ZFAT: variants seen among roughly 807,000 people sequenced by gnomAD.
ZFAT encodes zinc finger protein ZFAT.
A neutral mutation model predicts 117.7 loss-of-function variants in ZFAT; 64 were observed. The ratio of observed to expected loss-of-function variants is 0.54; its 90% CI spans 0.44 to 0.67. The LOEUF (loss-of-function observed/expected upper bound fraction) is 0.67. Among genes scored for constraint, ZFAT ranks in the 30% least tolerant of loss-of-function variants. ZFAT has a pLI of 0.00. For missense variants in ZFAT, 1,433 were observed against 1,584.5 expected (o/e 0.90, Z 1.62); for synonymous variants, 679 against 615.0 (o/e 1.10, Z -1.54).
chr8:134,486,520 A>G (rs1817667117), intron 15 of ZFAT, among the ~76,000 whole-genome samples: 1 of 152,192 alleles, frequency 6.6e-6, no homozygotes, highest in Admixed American at 6.5e-5. Context: ...CGTAGATGTC[A>G]TTAATGTCCT....
chr8:134,651,317 G>A (rs1586892361), intron 2 of ZFAT, among the ~76,000 whole-genome samples: 1 of 152,192 alleles, frequency 6.6e-6, no homozygotes, highest in South Asian at 2.1e-4. Context: ...ACAATATGTA[G>A]CATATGCATA....
the ZFAT span, among the ~76,000 whole-genome samples, chr8:134,734,773 G>C: frequency 1.9e-3 from 284 of 152,332 alleles, 2 homozygotes; most frequent in African/African-American, 6.3e-3. Context: ...AGCAGGGAGT[G>C]CTGGCCCACA....
At chr8:134,673,125 G>A (rs1832638366) in intron 1 of ZFAT, 1 of 152,034 alleles carries the variant, frequency 6.6e-6, no homozygotes, top group African/African-American at 2.4e-5. Context: ...TCTGCTCTGA[G>A]ATGTTGATAA....
At chr8:134,832,336 CTG>C in the ZFAT span, among the ~76,000 whole-genome samples, 3 of 151,276 alleles carry the variant, frequency 2.0e-5, no homozygotes, top group Non-Finnish European at 3.0e-5. Flanking sequence ...GTACATGTCT[CTG>C]TGTGTGTGTG....
chr8:134,626,258 C>T (rs369455518), intron 3 of ZFAT, among the ~76,000 whole-genome samples: 3 of 152,130 alleles, frequency 2.0e-5, no homozygotes, highest in African/African-American at 7.2e-5. Context: ...AGCAGGGGAG[C>T]GTGGAGAATC....
At chr8:134,597,343 C>A (rs1253407027) in intron 7 of ZFAT, among the ~76,000 whole-genome samples, 2 of 152,152 alleles carry the variant, frequency 1.3e-5, no homozygotes, top group Non-Finnish European at 2.9e-5. Flanking sequence ...ATATGGTCCA[C>A]CTGCTTCATG....
rs531276305 is a variant in ZFAT at position 134,493,683 on chromosome 8, G to A, written c.3493-14962C>T. ...GGCACAGGGCAGGTGCGTGAGGCAC[G>A]GCACTCATGACTGCTTCTGGATGCC... On this transcript the variant is annotated intron_variant, in intron 15 of 15. Coordinates refer to ENST00000377838, the MANE Select transcript of ZFAT (RefSeq NM_020863.4). Among the ~76,000 whole-genome samples, 12 of 152,322 alleles carry A rather than the reference G, an allele frequency of 7.9e-5. No homozygotes were observed. In the East Asian group the frequency reaches 2.1e-3, roughly 27 times the overall value.
At chr8:134,723,089 T>G in the ZFAT span, 1 of 152,236 alleles carries the variant, frequency 6.6e-6, no homozygotes, top group African/African-American at 2.4e-5. Flanking sequence ...AAATTCCTGT[T>G]GCTTAAGCCA....
chr8:134,708,717 C>A (rs1245589471), intron 1 of ZFAT, among the ~76,000 whole-genome samples: 7 of 152,162 alleles, frequency 4.6e-5, no homozygotes, highest in African/African-American at 1.7e-4. Context: ...CTTTGGGAGG[C>A]TGAGGCAGGC....
chr8:134,742,025 T>C, the ZFAT span, among the ~76,000 whole-genome samples: 1 of 152,180 alleles, frequency 6.6e-6, no homozygotes, highest in Admixed American at 6.5e-5. Flanking sequence ...TCTAGGACCA[T>C]GGGAACAGCC....
chr8:134,720,612 C>T, the ZFAT span, among the ~76,000 whole-genome samples: 1 of 152,212 alleles, frequency 6.6e-6, no homozygotes, highest in Non-Finnish European at 1.5e-5. Flanking sequence ...CAGAAGCAAA[C>T]GGTGCCAAGG....
chr8:134,583,549 T>C (rs1187360861), intron 10 of ZFAT, among the ~76,000 whole-genome samples: 11 of 152,138 alleles, frequency 7.2e-5, no homozygotes, highest in Non-Finnish European at 1.6e-4. Context: ...GGATCAAGGC[T>C]TTCTGAAGAC....
rs1329417198 is a variant in ZFAT at position 134,708,719 on chromosome 8, GAGGC to G, written c.19+4122_19+4125del. Among the ~76,000 whole-genome samples, 6 of 152,272 alleles carry G rather than the reference GAGGC, an allele frequency of 3.9e-5. No individual in the cohort carries two copies. In the South Asian group the frequency reaches 1.0e-3, roughly 26 times the overall value. ...TGTAATACTGGCACTTTGGGAGGCT[GAGGC>G]AGGCGGATCACCTGAGGTCAGGAGT... On this transcript the variant is annotated intron_variant, in intron 1 of 15. Coordinates refer to ENST00000377838, the MANE Select transcript of ZFAT (RefSeq NM_020863.4).
chr8:134,737,748 T>C, the ZFAT span, among the ~76,000 whole-genome samples: 3 of 152,206 alleles, frequency 2.0e-5, no homozygotes, highest in Non-Finnish European at 4.4e-5. Flanking sequence ...CATCAGTTGA[T>C]GAACCTAGCA....
In ZFAT at chr8:134,676,250, GA is replaced by G. The variant is rs1424995918; in HGVS notation, c.20-18514del. Among the ~76,000 whole-genome samples, 11 of 57,082 alleles carry G rather than the reference GA, an allele frequency of 1.9e-4. No homozygotes were observed. In the South Asian group the frequency reaches 3.0e-3, roughly 15 times the overall value. 37.4% of individuals were successfully genotyped at this position (57,082 alleles called of 152,430 possible). ...TGGAGGAAGATCTACCAAGCAAATGGAAAGCAAAAAAAAAAAAAAAAAAAAA... is the reference window on the plus strand; with the variant it reads ...TGGAGGAAGATCTACCAAGCAAATGGAAGCAAAAAAAAAAAAAAAAAAAAA... On this transcript the variant is annotated intron_variant, in intron 1 of 15. Transcript: ENST00000377838.
chr8:134,539,302 G>A (rs886168985), intron 11 of ZFAT, among the ~76,000 whole-genome samples: 1 of 152,228 alleles, frequency 6.6e-6, no homozygotes, highest in African/African-American at 2.4e-5. Context: ...AAAAAGAGGA[G>A]TTGCTCTGTT....
chr8:134,736,202 G>T, the ZFAT span, among the ~76,000 whole-genome samples: 1 of 151,998 alleles, frequency 6.6e-6, no homozygotes, highest in East Asian at 1.9e-4. Context: ...AGGGAATGAA[G>T]AAGGGATGGG....
intron 12 of ZFAT, 47 bp downstream of exon 12, chr8:134,532,787 C>G: frequency 6.3e-7 from 1 of 1,597,270 alleles, no homozygotes; most frequent in Non-Finnish European, 8.5e-7. Flanking sequence ...GGGGACTTGG[C>G]CTAAAAGGAA....
At position 134,657,558 on chromosome 8, in the gene ZFAT, T is replaced by C; in HGVS notation, c.196+3A>G. ...ATCCTGCCCCACCCCCCAGCCCCCTTACCATCTCCGGTTTTGCTTGAGTTG... is the reference window on the plus strand; with the variant it reads ...ATCCTGCCCCACCCCCCAGCCCCCTCACCATCTCCGGTTTTGCTTGAGTTG... On this transcript the variant is annotated splice_donor_region_variant and intron_variant, in intron 2 of 15. Coordinates refer to ENST00000377838, the MANE Select transcript of ZFAT (RefSeq NM_020863.4). The C allele has an allele frequency of 1.2e-6, 2 of 1,608,186 alleles. No individual in the cohort carries two copies.
Sources: gnomAD v4.1 joint callset for allele counts (sites outside exome capture counted in the v4.1 genomes callset) on GRCh38, gnomAD v4.1.1 for gene constraint, MANE v1.5 for transcripts, NCBI Gene and HGNC (gene_info 2026-07-23, HGNC 2026-07-21) for gene names.